The following DACH2 variants were observed in gnomAD, a reference collection of about 807,000 sequenced individuals.
DACH2 encodes the protein dachshund family transcription factor 2.
A neutral mutation model predicts 35.8 loss-of-function variants in DACH2; 17 were observed. The ratio of observed to expected loss-of-function variants is 0.48; its 90% confidence interval spans 0.33 to 0.71. The LOEUF is 0.71. Ranked by LOEUF, DACH2 falls within the 30% of genes least tolerant of loss-of-function variation. DACH2 has a pLI of 0.02. For synonymous variants in DACH2, 195 were observed against 177.3 expected (o/e 1.10, Z -0.79); for missense variants, 469 against 472.7 (o/e 0.99, Z 0.07).
At chrX:86,335,882 G>A (rs992134878) in intron 1 of DACH2, among the ~76,000 whole-genome samples, 59 of 111,263 alleles carry the variant, frequency 5.3e-4, no homozygotes, top group Admixed American at 3.5e-3. Context: ...ATTGGCTGTG[G>A]GTTTATCATG....
At chrX:86,415,349 G>C (rs1424653384) in intron 2 of DACH2, among the ~76,000 whole-genome samples, 1 of 111,725 alleles carries the variant, frequency 9.0e-6, no homozygotes, top group Non-Finnish European at 1.9e-5. Flanking sequence ...TCAGTCACTG[G>C]AGAGTATAGC....
At chrX:86,370,604 C>G (rs1369309480) in intron 1 of DACH2, among the ~76,000 whole-genome samples, 2 of 111,414 alleles carry the variant, frequency 1.8e-5, no homozygotes, top group Non-Finnish European at 3.8e-5. Context: ...AACCTACAAA[C>G]ATGAATAGCA....
chrX:86,386,902 T>C (rs755538998), intron 2 of DACH2, among the ~76,000 whole-genome samples: 1 of 110,797 alleles, frequency 9.0e-6, no homozygotes, highest in South Asian at 3.8e-4. Context: ...GGCCAGAGAG[T>C]CTCTCTTGGT....
intron 7 of DACH2, among the ~76,000 whole-genome samples, chrX:86,752,013 C>T (rs2041778759): frequency 9.0e-6 from 1 of 111,331 alleles, no homozygotes; most frequent in Non-Finnish European, 1.9e-5. Context: ...CATATTTTCA[C>T]TTATAAGTTT....
chrX:86,726,889 A>T (rs2041476138), intron 6 of DACH2, among the ~76,000 whole-genome samples: 1 of 111,574 alleles, frequency 9.0e-6, no homozygotes, highest in African/African-American at 3.3e-5. Context: ...AAACCCTCTC[A>T]TTACTTGTTT....
chrX:86,468,094 A>G (rs777077693), intron 2 of DACH2, among the ~76,000 whole-genome samples: 1 of 111,880 alleles, frequency 8.9e-6, no homozygotes, highest in African/African-American at 3.2e-5. Context: ...CTTTCTGAAA[A>G]TGAATGATTC....
intron 2 of DACH2, among the ~76,000 whole-genome samples, chrX:86,435,330 T>C (rs755690060): frequency 8.9e-5 from 10 of 111,939 alleles, no homozygotes; most frequent in Non-Finnish European, 1.1e-4. Flanking sequence ...ATCAAGGTTT[T>C]CAAGTTTGGT....
intron 2 of DACH2, among the ~76,000 whole-genome samples, chrX:86,449,391 G>C (rs988559106): frequency 1.9e-5 from 2 of 107,677 alleles, no homozygotes; most frequent in African/African-American, 3.4e-5. Flanking sequence ...TGTGATGTTA[G>C]GGTGTCAATT....
At chrX:86,479,242 T>G (rs1386840159) in intron 2 of DACH2, among the ~76,000 whole-genome samples, 1 of 110,307 alleles carries the variant, frequency 9.1e-6, no homozygotes, top group Non-Finnish European at 1.9e-5. Flanking sequence ...GGTCTTGGGG[T>G]TTTTATGGGT....
chrX:86,260,480 A>G (rs1602332371), intron 1 of DACH2, among the ~76,000 whole-genome samples: 2 of 112,130 alleles, frequency 1.8e-5, no homozygotes, highest in African/African-American at 3.2e-5. Context: ...TGTATTACCT[A>G]TGTACTTTTT....
chrX:86,339,008 TAAACCAGGAAGAAG>T (rs2035367885), intron 1 of DACH2, among the ~76,000 whole-genome samples: 4 of 111,661 alleles, frequency 3.6e-5, no homozygotes, highest in Admixed American at 1.9e-4. Context: ...CTCCCAAGTC[TAAACCAGGAAGAAG>T]TCAAATCCCT....
chrX:86,417,419 C>T (rs1172352448), intron 2 of DACH2, among the ~76,000 whole-genome samples: 1 of 112,083 alleles, frequency 8.9e-6, no homozygotes, highest in Non-Finnish European at 1.9e-5. Context: ...ATTAGACTTA[C>T]AGGGCCACAG....
intron 10 of DACH2, among the ~76,000 whole-genome samples, 181 bp downstream of exon 10, chrX:86,815,015 G>A (rs1046671310): frequency 2.7e-5 from 3 of 112,073 alleles, no homozygotes; most frequent in Non-Finnish European, 5.6e-5. Context: ...TTTAGATCAT[G>A]AATTAAATCC....
rs1049283795 is a variant in DACH2 at position 86,310,499 on chromosome X, G to T, written c.489-66325G>T. Among the ~76,000 whole-genome samples, 7 of 111,613 alleles carry T rather than the reference G, an allele frequency of 6.3e-5. 1 individual carries two copies. The highest frequency in any genetic ancestry group is 3.8e-4 in the Admixed American group (4 of 10,457). On this transcript the variant is annotated intron_variant, in intron 1 of 11. Coordinates refer to ENST00000373125, the MANE Select transcript of DACH2 (RefSeq NM_053281.3). ...CACGATATGCAGGCACCACCCAAAA[G>T]TGGACAGCTGCAGCACAACAGCCCA...
At chrX:86,583,889 T>G (rs767260864) in intron 3 of DACH2, among the ~76,000 whole-genome samples, 1 of 110,161 alleles carries the variant, frequency 9.1e-6, no homozygotes, top group South Asian at 3.8e-4. Flanking sequence ...GTTTTCTCCT[T>G]TTTTACACTA....
intron 1 of DACH2, among the ~76,000 whole-genome samples, chrX:86,206,451 CTG>C (rs1317216866): frequency 8.9e-6 from 1 of 111,819 alleles, no homozygotes; most frequent in East Asian, 2.8e-4. Flanking sequence ...TAAATGAACA[CTG>C]TTGATAAAGT....
intron 4 of DACH2, among the ~76,000 whole-genome samples, chrX:86,663,995 G>T (rs2040637922): frequency 8.9e-6 from 1 of 112,079 alleles, no homozygotes; most frequent in African/African-American, 3.2e-5. Flanking sequence ...GGAGGCAAAA[G>T]TTATTTTCTG....
chrX:86,580,237 G>A (rs1292992200), intron 3 of DACH2, among the ~76,000 whole-genome samples: 2 of 111,657 alleles, frequency 1.8e-5, no homozygotes, highest in Non-Finnish European at 3.8e-5. Context: ...CCATTCAAAG[G>A]ATAGCAACTT....
At chrX:86,595,732 A>G (rs2039702883) in intron 3 of DACH2, among the ~76,000 whole-genome samples, 1 of 108,636 alleles carries the variant, frequency 9.2e-6, no homozygotes, top group African/African-American at 3.3e-5. Flanking sequence ...ATTGAGCTAT[A>G]GTTATATATA....
Sources: gnomAD v4.1 joint callset for allele counts (sites outside exome capture counted in the v4.1 genomes callset) on GRCh38, gnomAD v4.1.1 for gene constraint, MANE v1.5 for transcripts, NCBI Gene and HGNC (gene_info 2026-07-23, HGNC 2026-07-21) for gene names.